ZBTB46: variants seen among roughly 807,000 people sequenced by gnomAD.
ZBTB46 encodes zinc finger and BTB domain-containing protein 46.
In ZBTB46, 8 loss-of-function variants were observed where a neutral mutation model predicts 44.1. The observed-to-expected ratio is 0.18, with a 90% CI of 0.11 to 0.33. The LOEUF is 0.33. Ranked by LOEUF, ZBTB46 falls within the 10% of genes least tolerant of loss-of-function variation. The pLI, the probability that ZBTB46 is intolerant of heterozygous loss-of-function variation, is 1.00. For synonymous variants in ZBTB46, 409 were observed against 382.3 expected (o/e 1.07, Z -0.81); for missense variants, 651 against 847.7 (o/e 0.77, Z 2.88).
At chr20:63,792,484 T>C (rs2092569298) in intron 1 of ZBTB46, among the ~76,000 whole-genome samples, 1 of 151,968 alleles carries the variant, frequency 6.6e-6, no homozygotes, top group Non-Finnish European at 1.5e-5. Flanking sequence ...GGTTACGACA[T>C]ACACACCTTC....
intron 3 of ZBTB46, chr20:63,769,188 C>T (rs1382285644): frequency 3.0e-6 from 3 of 985,260 alleles, no homozygotes; most frequent in African/African-American, 1.7e-5. Context: ...GTGTCAGGGA[C>T]ACCATGCCCC....
chr20:63,764,829 C>A (rs2092305342), intron 3 of ZBTB46, among the ~76,000 whole-genome samples: 1 of 152,030 alleles, frequency 6.6e-6, no homozygotes, highest in Non-Finnish European at 1.5e-5. Context: ...GAACTCCTGA[C>A]CTCAGGTGAT....
intron 1 of ZBTB46, 36 bp from the exon 2 acceptor site, chr20:63,790,826 CACAG>C: frequency 2.0e-6 from 3 of 1,489,954 alleles, no homozygotes; most frequent in South Asian, 1.3e-5. Context: ...CCAAGCTCAG[CACAG>C]ACAGAGGCCG....
chr20:63,782,019 G>A (rs1426777110), intron 2 of ZBTB46, among the ~76,000 whole-genome samples: 5 of 150,684 alleles, frequency 3.3e-5, no homozygotes, highest in South Asian at 2.1e-4. Flanking sequence ...CCGGGGAGGC[G>A]GAGCTTGCAG....
intron 1 of ZBTB46, among the ~76,000 whole-genome samples, chr20:63,816,092 G>T (rs1365643481): frequency 7.1e-6 from 1 of 141,224 alleles, no homozygotes; most frequent in East Asian, 2.4e-4. Flanking sequence ...GTGGGCACAG[G>T]TGCAGTGGGC....
At chr20:63,758,608 A>C (rs1290411076) in intron 3 of ZBTB46, among the ~76,000 whole-genome samples, 1 of 152,092 alleles carries the variant, frequency 6.6e-6, no homozygotes, top group Admixed American at 6.6e-5. Context: ...GATCCTTTGC[A>C]TCTCCAAATA....
chr20:63,808,855 C>T (rs1044899463), intron 1 of ZBTB46, among the ~76,000 whole-genome samples: 8 of 151,524 alleles, frequency 5.3e-5, no homozygotes, highest in Admixed American at 4.6e-4. Context: ...GGGGCGCCTG[C>T]AGTCCCAGCT....
chr20:63,769,201 G>A (rs191426219), intron 3 of ZBTB46: 1 of 985,430 alleles, frequency 1.0e-6, no homozygotes, highest in East Asian at 1.1e-4. Flanking sequence ...CATGCCCCAA[G>A]TGTTTGGCCC....
In ZBTB46 at chr20:63,746,803, T is replaced by G; in HGVS notation, c.*127A>C. The G allele has an allele frequency of 1.5e-6, 2 of 1,370,048 alleles. No homozygotes were observed. Among genetic ancestry groups the G allele is most frequent in the South Asian group, 1.6e-5 (1 of 61,866 alleles). The allele number at this position is 1,370,048 out of a possible 1,614,324, so 84.9% of individuals were successfully genotyped here. A position where few individuals can be genotyped will look rare whatever the true frequency, so the allele number is the denominator to read the frequency against. On this transcript the variant is annotated 3_prime_UTR_variant, in exon 5 of 5. Coordinates refer to ENST00000245663, the MANE Select transcript of ZBTB46 (RefSeq NM_001369741.1). Reference sequence around the variant, plus strand: ...AGGGCTGGTTTCCGTGGGGGGTGGGTTCAGGGGGAAGCAGAGGAGGGGCCG... The same window carrying G: ...AGGGCTGGTTTCCGTGGGGGGTGGGGTCAGGGGGAAGCAGAGGAGGGGCCG...
chr20:63,821,597 G>A (rs950561949), intron 1 of ZBTB46, among the ~76,000 whole-genome samples: 2 of 152,008 alleles, frequency 1.3e-5, no homozygotes, highest in African/African-American at 2.4e-5. Context: ...GTGCCACCAC[G>A]CACAGCTAAT....
At chr20:63,758,368 G>A (rs1568835152) in intron 3 of ZBTB46, among the ~76,000 whole-genome samples, 3 of 151,700 alleles carry the variant, frequency 2.0e-5, no homozygotes, top group Non-Finnish European at 4.4e-5. Flanking sequence ...TGCCTTGCCC[G>A]TTCCTCCCCA....
At chr20:63,765,976 C>T (rs924743772) in intron 3 of ZBTB46, among the ~76,000 whole-genome samples, 1 of 152,112 alleles carries the variant, frequency 6.6e-6, no homozygotes, top group Non-Finnish European at 1.5e-5. Flanking sequence ...CTTATCAACC[C>T]CCAAGACAAC....
chr20:63,768,200 C>A, intron 3 of ZBTB46: 713 of 687,890 alleles, frequency 1.0e-3, no homozygotes, highest in Non-Finnish European at 1.2e-3. Flanking sequence ...CACCTGCCAC[C>A]AAAACTATCC....
At chr20:63,758,702 G>A (rs1297776133) in intron 3 of ZBTB46, among the ~76,000 whole-genome samples, 1 of 150,400 alleles carries the variant, frequency 6.6e-6, no homozygotes, top group Non-Finnish European at 1.5e-5. Flanking sequence ...GAATTGTGCT[G>A]ACCCAATATA....
chr20:63,792,242 G>T (rs1056435807), intron 1 of ZBTB46, among the ~76,000 whole-genome samples: 1 of 152,182 alleles, frequency 6.6e-6, no homozygotes, highest in African/African-American at 2.4e-5. Context: ...TCACCCCACA[G>T]CCCTGCCTGG....
chr20:63,752,578 G>T lies in ZBTB46; in HGVS notation c.1398+108C>A. On this transcript the variant is annotated intron_variant, in intron 4 of 4. Transcript: ENST00000245663. The surrounding 1 kb of genome is among the most constrained non-coding windows in gnomAD (Gnocchi z 5.6). ...CCTGCTGTCGTCCCCCCTGTGCAGA[G>T]TGGACCCGGTGTGGGGTCCGGGGCG... 7.6e-7 allele frequency: 1 copy of T among 1,317,468 alleles called. No homozygotes were observed. The highest frequency in any genetic ancestry group is 9.9e-7 in the Non-Finnish European group (1 of 1,007,030). 81.6% of individuals were successfully genotyped at this position (1,317,468 alleles called of 1,614,324 possible). A position where few individuals can be genotyped will look rare whatever the true frequency, so the allele number is the denominator to read the frequency against.
At chr20:63,831,853 A>G (rs2092854114), upstream of ZBTB46, among the ~76,000 whole-genome samples, 1 of 149,854 alleles carries the variant, frequency 6.7e-6, no homozygotes, top group Non-Finnish European at 1.5e-5. Context: ...CCGGCCGGGC[A>G]TCAACGCGGG....
rs1012796201 is a variant in ZBTB46, at chr20:63,812,048, C to T, written c.-34+19049G>A. On this transcript the variant is annotated intron_variant, in intron 1 of 4. Transcript: ENST00000245663. ...CTTTAGTGCTGACCCACCAAAGTGG[C>T]GGCGATCTTTTCGGAACAAAACTCT... Among the ~76,000 whole-genome samples, 8 of 151,846 alleles carry T rather than the reference C, an allele frequency of 5.3e-5. No individual in the cohort carries two copies. The South Asian group carries it at 8.3e-4, about 16-fold the overall frequency.
chr20:63,800,034 C>T (rs1162754915), intron 1 of ZBTB46, among the ~76,000 whole-genome samples: 6 of 152,140 alleles, frequency 3.9e-5, no homozygotes, highest in Admixed American at 3.9e-4. Context: ...GGGAACAACC[C>T]GAATGTCCAA....
Sources: gnomAD v4.1 joint callset for allele counts (sites outside exome capture counted in the v4.1 genomes callset) on GRCh38, gnomAD v4.1.1 for gene constraint, Gnocchi (gnomAD v3.1) non-coding constraint, MANE v1.5 for transcripts, NCBI Gene and HGNC (gene_info 2026-07-23, HGNC 2026-07-21) for gene names.